The following NPRL3 variants were observed in gnomAD, a reference collection of about 807,000 sequenced individuals.
The protein encoded by NPRL3 is GATOR1 complex protein NPRL3.
Under a neutral mutation model 57.2 loss-of-function variants are expected in NPRL3, and 23 were observed. The observed-to-expected ratio is 0.40, with a 90% CI of 0.29 to 0.57. The LOEUF is 0.57. Ranked by LOEUF, NPRL3 falls within the 20% of genes least tolerant of loss-of-function variation. The probability of loss-of-function intolerance (pLI) is 0.42; values close to 1 mark genes in which losing one functional copy is unlikely to be tolerated. For missense variants in NPRL3, 691 were observed against 767.1 expected, an observed-to-expected ratio of 0.90 and a Z score of 1.17; for synonymous variants, 333 against 321.1, an observed-to-expected ratio of 1.04 and a Z score of -0.39.
intron 2 of NPRL3, among the ~76,000 whole-genome samples, chr16:136,429 C>T (rs896029032): frequency 2.0e-5 from 3 of 152,172 alleles, no homozygotes; most frequent in Non-Finnish European, 2.9e-5. Flanking sequence ...GTGGCTCACG[C>T]CTGTAATCCC....
intron 11 of NPRL3, 98 bp downstream of exon 11, chr16:92,498 A>G: frequency 1.4e-6 from 2 of 1,416,732 alleles, no homozygotes; most frequent in East Asian, 5.0e-5. Context: ...AGCAGGTGGC[A>G]GTGCTGAGGG....
intron 5 of NPRL3, among the ~76,000 whole-genome samples, chr16:114,297 C>G (rs1899938278): frequency 6.6e-6 from 1 of 152,128 alleles, no homozygotes; most frequent in Non-Finnish European, 1.5e-5. Context: ...TTTGCAAAGG[C>G]CTGACATGGA....
intron 7 of NPRL3, among the ~76,000 whole-genome samples, chr16:107,009 G>A (rs1899560375): frequency 6.6e-6 from 1 of 152,196 alleles, no homozygotes; most frequent in African/African-American, 2.4e-5. Context: ...CTGGACTCCT[G>A]CCAGAGAAAC....
intron 8 of NPRL3, among the ~76,000 whole-genome samples, chr16:99,973 A>AG (rs1207398656): frequency 7.7e-6 from 1 of 130,308 alleles, no homozygotes; most frequent in African/African-American, 4.4e-5. Flanking sequence ...AAAAAAAAAA[A>AG]AAAAGAAAAA....
intron 7 of NPRL3, among the ~76,000 whole-genome samples, chr16:105,736 C>G (rs1899498159): frequency 6.6e-6 from 1 of 152,240 alleles, no homozygotes; most frequent in Non-Finnish European, 1.5e-5. Flanking sequence ...AGCGGATGAG[C>G]TGTGCTCCTC....
chr16:92,839 G>A (rs967190378), intron 10 of NPRL3, 114 bp from the exon 11 acceptor site: 14 of 1,369,438 alleles, frequency 1.0e-5, no homozygotes, highest in African/African-American at 5.7e-5. Flanking sequence ...AGGACAGTGC[G>A]ATGAGGGCAG....
At position 109,392 on chromosome 16, in the gene NPRL3, ACT is replaced by A. The variant is rs202075287; in HGVS notation, c.629+1131_629+1132del. 9.5e-3 allele frequency among the ~76,000 whole-genome samples: 1,448 copies of A among 152,188 alleles called. 67 individuals carry two copies. In the East Asian group the frequency reaches 0.13, roughly 14 times the overall value. On this transcript the variant is annotated intron_variant, in intron 7 of 13. Coordinates refer to ENST00000611875, the MANE Select transcript of NPRL3 (RefSeq NM_001077350.3). ...GTGTCGCAAACCCCAACTCTCTCAG[ACT>A]GAGAGGAGACAGCTGGCCCCAGCCT...
At chr16:133,444 C>A (rs1227157897) in intron 2 of NPRL3, among the ~76,000 whole-genome samples, 1 of 151,806 alleles carries the variant, frequency 6.6e-6, no homozygotes, top group Non-Finnish European at 1.5e-5. Context: ...GTTGTCCAGG[C>A]TGGTCTCGAA....
rs377414615 is a variant in NPRL3 at position 100,354 on chromosome 16, G to A, written c.767+18C>T. On this transcript the variant is annotated intron_variant, in intron 8 of 13. Transcript: ENST00000611875. ...AAGGGCCCTGGCAGGGAGTGAGCAC[G>A]TGGGGCTGGGCACTTACCGGATGGC... is the stretch of plus-strand genomic sequence containing the variant. 72 of 1,489,760 alleles carry A rather than the reference G, an allele frequency of 4.8e-5. No homozygotes were observed. The highest frequency in any genetic ancestry group is 3.1e-4 in the African/African-American group (22 of 70,068). 92.3% of individuals were successfully genotyped at this position (1,489,760 alleles called of 1,614,324 possible).
chr16:102,811 G>C (rs1596511551), intron 7 of NPRL3, among the ~76,000 whole-genome samples: 1 of 152,182 alleles, frequency 6.6e-6, no homozygotes, highest in African/African-American at 2.4e-5. Flanking sequence ...CCCAGAGGAG[G>C]GCAGCAGTCT....
At chr16:123,635 T>C (rs1900375524) in intron 3 of NPRL3, 3 of 455,130 alleles carry the variant, frequency 6.6e-6, no homozygotes, top group African/African-American at 2.0e-5. Flanking sequence ...TTATAAAAAC[T>C]GCACAAAAGT....
At chr16:133,608 C>T (rs994205518) in intron 2 of NPRL3, among the ~76,000 whole-genome samples, 1 of 152,208 alleles carries the variant, frequency 6.6e-6, no homozygotes, top group African/African-American at 2.4e-5. Context: ...TGGGCTCAAG[C>T]AATTTTCCTG....
intron 13 of NPRL3, among the ~76,000 whole-genome samples, 196 bp from the exon 14 acceptor site, chr16:87,066 C>T (rs541781430): frequency 3.8e-4 from 58 of 152,208 alleles, no homozygotes; most frequent in Non-Finnish European, 7.8e-4. Flanking sequence ...ACCACGGTCC[C>T]GCTGACCACC....
At chr16:118,229 C>T (rs1253292117) in intron 4 of NPRL3, among the ~76,000 whole-genome samples, 1 of 152,026 alleles carries the variant, frequency 6.6e-6, no homozygotes, top group Non-Finnish European at 1.5e-5. Context: ...TTACTGTGTT[C>T]GACCCTTCAG....
intron 6 of NPRL3, among the ~76,000 whole-genome samples, 172 bp downstream of exon 6, chr16:112,450 C>T (rs1335239140): frequency 6.6e-6 from 1 of 152,206 alleles, no homozygotes; most frequent in Non-Finnish European, 1.5e-5. Context: ...GCACAGCTCA[C>T]CAAAAGCCGA....
intron 4 of NPRL3, among the ~76,000 whole-genome samples, chr16:118,702 A>G (rs910544595): frequency 6.6e-6 from 1 of 152,242 alleles, no homozygotes; most frequent in Non-Finnish European, 1.5e-5. Flanking sequence ...CCAAGTGTCT[A>G]ATCAGGTCTC....
At chr16:105,145 A>T (rs1899472719) in intron 7 of NPRL3, among the ~76,000 whole-genome samples, 2 of 152,206 alleles carry the variant, frequency 1.3e-5, no homozygotes. Context: ...CCAGTCTGTG[A>T]CAGGAGATAG....
intron 9 of NPRL3, among the ~76,000 whole-genome samples, chr16:94,714 T>G (rs1003725161): frequency 2.0e-5 from 3 of 152,044 alleles, no homozygotes; most frequent in African/African-American, 7.2e-5. Context: ...ATTGTGCGAG[T>G]AGTGCCCCCA....
chr16:85,931 A>C lies in NPRL3; in HGVS notation c.*774T>G. 4.4e-6 allele frequency: 4 copies of C among 908,734 alleles called. 1 individual carries two copies. The highest frequency in any genetic ancestry group is 6.9e-5 in the South Asian group (2 of 28,802). The allele number at this position is 908,734 out of a possible 1,614,324, so 56.3% of individuals were successfully genotyped here. On this transcript the variant is annotated 3_prime_UTR_variant, in exon 14 of 14. Transcript: ENST00000611875. ...CCAGGACACGAGAGCTGGGGGCCTG[A>C]GTACGTAGCGCCAGGCCCGGTGTGG...
Sources: gnomAD v4.1 joint callset for allele counts (sites outside exome capture counted in the v4.1 genomes callset) on GRCh38, gnomAD v4.1.1 for gene constraint, MANE v1.5 for transcripts, NCBI Gene and HGNC (gene_info 2026-07-23, HGNC 2026-07-21) for gene names.